Variants in USP25 observed in about 807,000 individuals in gnomAD.
USP25 encodes the protein ubiquitin specific peptidase 25, also known as ubiquitin carboxyl-terminal hydrolase 25.
Under a neutral mutation model 158.5 loss-of-function variants are expected in USP25, and 85 were observed. The observed-to-expected ratio is 0.54, with a 90% CI of 0.45 to 0.64. USP25 has a LOEUF of 0.64. Ranked by LOEUF, USP25 falls within the 30% of genes least tolerant of loss-of-function variation. The probability of loss-of-function intolerance (pLI) is 0.00; values close to 1 mark genes in which losing one functional copy is unlikely to be tolerated. For missense variants in USP25, 1,242 were observed against 1,327.3 expected (o/e 0.94, Z 1.00); for synonymous variants, 464 against 460.4 (o/e 1.01, Z -0.10).
intron 20 of USP25, among the ~76,000 whole-genome samples, chr21:15,854,110 G>A (rs1454144778): frequency 6.6e-6 from 1 of 151,900 alleles, no homozygotes; most frequent in Non-Finnish European, 1.5e-5. Context: ...TTTGTGCTTA[G>A]TGTATTATAA....
intron 4 of USP25, among the ~76,000 whole-genome samples, chr21:15,780,063 A>G (rs1198046685): frequency 6.6e-6 from 1 of 152,150 alleles, no homozygotes; most frequent in Non-Finnish European, 1.5e-5. Flanking sequence ...AGAGAAAATG[A>G]TGCATTTTAA....
At chr21:15,832,184 C>G (rs1194837841) in intron 16 of USP25, among the ~76,000 whole-genome samples, 1 of 152,182 alleles carries the variant, frequency 6.6e-6, no homozygotes, top group African/African-American at 2.4e-5. Context: ...AAAAGTATCT[C>G]TCCTTATGCT....
intron 10 of USP25, among the ~76,000 whole-genome samples, chr21:15,822,024 A>G (rs1385349962): frequency 6.6e-6 from 1 of 151,952 alleles, no homozygotes; most frequent in Non-Finnish European, 1.5e-5. Context: ...ATTATCTAGT[A>G]AAATAATAAT....
At chr21:15,829,963 C>T (rs761921679) in intron 14 of USP25, among the ~76,000 whole-genome samples, 3 of 152,026 alleles carry the variant, frequency 2.0e-5, no homozygotes, top group East Asian at 1.9e-4. Context: ...ACAATCTAAC[C>T]GTTTCCTTAT....
At chr21:15,834,846 T>G (rs1021143183) in intron 17 of USP25, among the ~76,000 whole-genome samples, 1 of 152,146 alleles carries the variant, frequency 6.6e-6, no homozygotes. Context: ...GCTGCACTTT[T>G]CCCCCACGTG....
In USP25 at chr21:15,733,545, A is replaced by C. The variant is rs560216585; in HGVS notation, c.45+3107A>C. Among the ~76,000 whole-genome samples the C allele has an allele frequency of 9.7e-4, 148 of 152,184 alleles. 2 individuals carry two copies. In the South Asian group the frequency reaches 0.027, roughly 27 times the overall value. On this transcript the variant is annotated intron_variant, in intron 1 of 25. Coordinates refer to ENST00000400183, the MANE Select transcript of USP25 (RefSeq NM_001283041.3). ...CCAGGAGTTCAAAACCAGCCTGGGC[A>C]ACAAAATGACACCTGCCAGGAGTGG...
intron 8 of USP25, 66 bp downstream of exon 8, chr21:15,808,951 A>C: frequency 7.9e-6 from 9 of 1,140,656 alleles, no homozygotes; most frequent in Non-Finnish European, 1.1e-5. Flanking sequence ...ATTAAATGTC[A>C]ACAGAGAAAT....
intron 11 of USP25, 142 bp from the exon 12 acceptor site, chr21:15,824,824 C>T: frequency 1.6e-6 from 1 of 615,504 alleles, no homozygotes; most frequent in Non-Finnish European, 2.9e-6. Context: ...CCATGTTGGC[C>T]AGGCTGGTCT....
chr21:15,808,406 A>AC (rs1323038007), intron 7 of USP25, among the ~76,000 whole-genome samples: 2 of 152,162 alleles, frequency 1.3e-5, no homozygotes, highest in Non-Finnish European at 2.9e-5. Flanking sequence ...TCTAAGAGAG[A>AC]AGCCAGTCAT....
chr21:15,775,739 ACCCCCCCCCC>A (rs57912569), intron 3 of USP25, among the ~76,000 whole-genome samples: 2 of 14,052 alleles, frequency 1.4e-4, no homozygotes, highest in South Asian at 6.4e-3. Flanking sequence ...AATGGTTGCC[ACCCCCCCCCC>A]CCCCCGCCCC....
At chr21:15,831,333 G>A (rs13052652) in intron 15 of USP25, 68 bp from the exon 16 acceptor site, 20,053 of 1,445,700 alleles carry the variant, frequency 0.014, 188 homozygotes, top group Non-Finnish European at 0.017. Flanking sequence ...TTGTTTGTGG[G>A]TTTCATGGAA....
chr21:15,800,516 A>T (rs1049431176), intron 6 of USP25, among the ~76,000 whole-genome samples: 4 of 150,778 alleles, frequency 2.7e-5, no homozygotes, highest in Non-Finnish European at 5.9e-5. Context: ...AGCTATTGTC[A>T]GTTAAACAAT....
At chr21:15,825,245 G>A (rs2037444482) in intron 12 of USP25, among the ~76,000 whole-genome samples, 184 bp downstream of exon 12, 1 of 152,126 alleles carries the variant, frequency 6.6e-6, no homozygotes, top group African/African-American at 2.4e-5. Context: ...TTATTCTAGT[G>A]TTTAAAATTA....
intron 1 of USP25, among the ~76,000 whole-genome samples, chr21:15,750,966 TATACAGAA>T (rs1353641858): frequency 2.0e-5 from 3 of 152,170 alleles, no homozygotes; most frequent in African/African-American, 7.2e-5. Flanking sequence ...ACACTGTTAG[TATACAGAA>T]ATTGTTTTCA....
At chr21:15,840,918 C>T (rs886789681) in intron 17 of USP25, among the ~76,000 whole-genome samples, 1 of 152,278 alleles carries the variant, frequency 6.6e-6, no homozygotes, top group Middle Eastern at 3.4e-3. Flanking sequence ...TCTCCCAGCC[C>T]TAAAGCAGCT....
chr21:15,827,951 G>A (rs1346111465), intron 14 of USP25, among the ~76,000 whole-genome samples: 1 of 151,078 alleles, frequency 6.6e-6, no homozygotes, highest in African/African-American at 2.4e-5. Context: ...ATGGATTATG[G>A]TAGATTTTAT....
chr21:15,863,985 C>T (rs373134487), intron 20 of USP25, among the ~76,000 whole-genome samples: 11 of 148,558 alleles, frequency 7.4e-5, no homozygotes, highest in South Asian at 2.1e-4. Context: ...TGCAGTGAGC[C>T]GAGATCACGC....
intron 1 of USP25, among the ~76,000 whole-genome samples, chr21:15,758,319 C>T (rs551702011): frequency 6.6e-6 from 1 of 152,264 alleles, no homozygotes; most frequent in South Asian, 2.1e-4. Flanking sequence ...AACCACATCT[C>T]ATCTTGAATT....
intron 19 of USP25, 84 bp from the exon 20 acceptor site, chr21:15,849,693 A>G: frequency 9.3e-7 from 1 of 1,071,196 alleles, no homozygotes; most frequent in Non-Finnish European, 1.3e-6. Flanking sequence ...ATAAATATGG[A>G]AAACAAAAGA....
Sources: gnomAD v4.1 joint callset for allele counts (sites outside exome capture counted in the v4.1 genomes callset) on GRCh38, gnomAD v4.1.1 for gene constraint, MANE v1.5 for transcripts, NCBI Gene and HGNC (gene_info 2026-07-23, HGNC 2026-07-21) for gene names.